Variants in FAM20B observed in about 807,000 individuals in gnomAD.
The protein encoded by FAM20B is glycosaminoglycan xylosylkinase.
A neutral mutation model predicts 43.8 loss-of-function variants in FAM20B; 23 were observed. That is an observed-to-expected ratio of 0.53 (90% CI 0.38 to 0.74). FAM20B has a LOEUF of 0.74. Among genes scored for constraint, FAM20B ranks in the 30% least tolerant of loss-of-function variants. The pLI, the probability that FAM20B is intolerant of heterozygous loss-of-function variation, is 0.00. For missense variants in FAM20B, 440 were observed against 510.5 expected (o/e 0.86, Z 1.33); for synonymous variants, 178 against 192.4 (o/e 0.93, Z 0.62).
intron 4 of FAM20B, among the ~76,000 whole-genome samples, chr1:179,057,054 A>G (rs1037274380): frequency 7.9e-5 from 12 of 151,878 alleles, no homozygotes; most frequent in African/African-American, 2.9e-4. Flanking sequence ...TTTTGAAAAT[A>G]TTTTCTCCAG....
chr1:179,054,727 G>T, intron 4 of FAM20B, 89 bp downstream of exon 4: 1 of 754,882 alleles, frequency 1.3e-6, no homozygotes, highest in Non-Finnish European at 2.2e-6. Context: ...ATGACTTTTA[G>T]GAATTGAAGA....
intron 4 of FAM20B, among the ~76,000 whole-genome samples, chr1:179,062,042 T>C (rs1163138227): frequency 6.6e-6 from 1 of 151,982 alleles, no homozygotes; most frequent in Non-Finnish European, 1.5e-5. Flanking sequence ...AGTTTTGCTC[T>C]GTCTCCCAGG....
In FAM20B at chr1:179,064,313, A is replaced by G; in HGVS notation, c.755A>G (p.Tyr252Cys). Residue 252 changes from tyrosine to cysteine, a missense_variant, in exon 6 of 8, where the codon TAT becomes TGT. By Grantham distance (194) the Tyr-to-Cys change is radical. Transcript: ENST00000263733. ...ATGCTGCTTGTCTCCAGGTGGGAGT[A>G]TGATGAGAGCTACTGTGATGCTGTG... ...YREGKLARWE[Y>C]DESYCDAVKK... 6.2e-7 allele frequency: 1 copy of G among 1,604,812 alleles called. No homozygotes were observed. Among genetic ancestry groups the G allele is most frequent in the Non-Finnish European group, 8.5e-7 (1 of 1,173,088 alleles).
chr1:179,052,542 C>CT (rs374729321), intron 3 of FAM20B, among the ~76,000 whole-genome samples: 90 of 152,110 alleles, frequency 5.9e-4, no homozygotes, highest in African/African-American at 2.0e-3. Flanking sequence ...CAAATAACTG[C>CT]TTTTTTATAC....
chr1:179,050,249 A>G (rs374729574), intron 2 of FAM20B, 30 bp from the exon 3 acceptor site: 4 of 1,507,858 alleles, frequency 2.7e-6, no homozygotes, highest in Non-Finnish European at 3.7e-6. Flanking sequence ...TAATCCACGT[A>G]TACATCTGTG....
intron 3 of FAM20B, among the ~76,000 whole-genome samples, 183 bp from the exon 4 acceptor site, chr1:179,054,346 T>C (rs1171646992): frequency 6.6e-6 from 1 of 152,200 alleles, no homozygotes; most frequent in Non-Finnish European, 1.5e-5. Flanking sequence ...AAATGTATAT[T>C]AAAATAAATT....
In FAM20B at chr1:179,044,222, G is replaced by A; in HGVS notation, c.375G>A (p.Lys125=). The change falls in exon 2 of 8, where the codon AAG becomes AAA. Residue 125 remains lysine, a splice_region_variant and synonymous_variant. Coordinates refer to ENST00000263733, the MANE Select transcript of FAM20B (RefSeq NM_014864.4). The stretch of plus-strand genomic sequence containing the variant: ...GCCAGAAAGTTGTTTTCAAACCTAA[G>A]CGGTAAGTTTTGATCTTGGAAGCTG... ...EGGQKVVFKP[K]RYSRDHVVEG... is the part of the protein sequence containing the mutation. 1 of 1,600,712 alleles carries A rather than the reference G, an allele frequency of 6.2e-7. No individual in the cohort carries two copies.
chr1:179,066,200 A>AGG (rs1285479515), intron 6 of FAM20B, among the ~76,000 whole-genome samples: 1 of 152,210 alleles, frequency 6.6e-6, no homozygotes, highest in Non-Finnish European at 1.5e-5. Flanking sequence ...AAAGATTGAA[A>AGG]GGTTGACAGT....
At chr1:179,023,690 G>A (rs762525488), upstream of FAM20B, among the ~76,000 whole-genome samples, 4 of 152,314 alleles carry the variant, frequency 2.6e-5, no homozygotes, top group East Asian at 3.9e-4. Context: ...TAAGTTCACA[G>A]AGCACTGCCT....
chr1:179,050,007 T>C (rs1650936758), intron 2 of FAM20B, among the ~76,000 whole-genome samples: 1 of 152,214 alleles, frequency 6.6e-6, no homozygotes, highest in African/African-American at 2.4e-5. Flanking sequence ...TAAAACTACA[T>C]CAAAAGCCCT....
At chr1:179,037,777 G>C (rs1349619992) in intron 1 of FAM20B, among the ~76,000 whole-genome samples, 1 of 152,062 alleles carries the variant, frequency 6.6e-6, no homozygotes, top group African/African-American at 2.4e-5. Flanking sequence ...GTGAGGCACT[G>C]TCCCCAGCCA....
At chr1:179,029,544 AAG>A (rs1649923581) in intron 1 of FAM20B, among the ~76,000 whole-genome samples, 1 of 152,234 alleles carries the variant, frequency 6.6e-6, no homozygotes, top group Non-Finnish European at 1.5e-5. Flanking sequence ...AGTGTGAGAT[AAG>A]AGAAAAATGT....
chr1:179,021,410 A>G (rs1255737669), upstream of FAM20B, among the ~76,000 whole-genome samples: 2 of 152,226 alleles, frequency 1.3e-5, no homozygotes, highest in African/African-American at 4.8e-5. Flanking sequence ...GCAATCTGGA[A>G]TTTGCAATTC....
At chr1:179,049,676 G>T (rs376616317) in intron 2 of FAM20B, among the ~76,000 whole-genome samples, 1 of 152,164 alleles carries the variant, frequency 6.6e-6, no homozygotes, top group Non-Finnish European at 1.5e-5. Flanking sequence ...GAGCAGCTGG[G>T]ATTACAGGCA....
At chr1:179,062,148 A>T (rs192488254) in intron 4 of FAM20B, among the ~76,000 whole-genome samples, 75 of 152,224 alleles carry the variant, frequency 4.9e-4, no homozygotes, top group African/African-American at 1.8e-3. Flanking sequence ...TTGGAATTAC[A>T]GGTGCACACC....
chr1:179,033,658 G>A (rs1402251204), intron 1 of FAM20B, among the ~76,000 whole-genome samples: 1 of 152,030 alleles, frequency 6.6e-6, no homozygotes, highest in Non-Finnish European at 1.5e-5. Flanking sequence ...ATAATAGTGG[G>A]TTAAGACAAT....
At chr1:179,042,468 C>A (rs765869057) in intron 1 of FAM20B, among the ~76,000 whole-genome samples, 1 of 152,158 alleles carries the variant, frequency 6.6e-6, no homozygotes, top group Admixed American at 6.5e-5. Context: ...ACCTCAGAAC[C>A]CCAAAGAGGA....
intron 1 of FAM20B, among the ~76,000 whole-genome samples, chr1:179,039,658 A>T (rs990452812): frequency 2.0e-4 from 30 of 152,234 alleles, no homozygotes; most frequent in African/African-American, 7.0e-4. Context: ...CAGATATGAC[A>T]CGTCCAGGAT....
At chr1:179,039,591 T>C (rs1411497326) in intron 1 of FAM20B, among the ~76,000 whole-genome samples, 2 of 152,234 alleles carry the variant, frequency 1.3e-5, no homozygotes, top group Non-Finnish European at 2.9e-5. Flanking sequence ...TGAAAAATAA[T>C]TGGCGAAGGA....
Sources: gnomAD v4.1 joint callset for allele counts (sites outside exome capture counted in the v4.1 genomes callset) on GRCh38, gnomAD v4.1.1 for gene constraint, MANE v1.5 for transcripts, NCBI Gene and HGNC (gene_info 2026-07-23, HGNC 2026-07-21) for gene names.